Variants in DNAI2 observed in about 807,000 individuals in gnomAD.
The protein encoded by DNAI2 is dynein axonemal intermediate chain 2, also known as dynein, axonemal, intermediate polypeptide 2.
A neutral mutation model predicts 74.7 loss-of-function variants in DNAI2; 63 were observed. The observed-to-expected ratio is 0.84, with a 90% confidence interval of 0.69 to 1.04. The LOEUF is 1.04. Among genes scored for constraint, DNAI2 ranks in the 50% least tolerant of loss-of-function variants. The probability of loss-of-function intolerance (pLI) is 0.00; values close to 1 mark genes in which losing one functional copy is unlikely to be tolerated. For missense variants in DNAI2, 688 were observed against 803.2 expected (o/e 0.86, Z 1.73); for synonymous variants, 289 against 314.9 (o/e 0.92, Z 0.87).
intron 12 of DNAI2, 125 bp from the exon 13 acceptor site, chr17:74,313,996 G>A: frequency 1.3e-6 from 2 of 1,534,160 alleles, no homozygotes; most frequent in Non-Finnish European, 1.8e-6. Flanking sequence ...CGGGTTCCAG[G>A]GTGCTCAGCG....
chr17:74,287,244 C>A, intron 4 of DNAI2, 146 bp downstream of exon 4: 1 of 1,343,702 alleles, frequency 7.4e-7, no homozygotes, highest in Non-Finnish European at 1.0e-6. Context: ...GGTGATAAGT[C>A]ACCCAGCAGA....
intron 8 of DNAI2, among the ~76,000 whole-genome samples, chr17:74,304,628 G>A (rs1367114664): frequency 1.3e-5 from 2 of 152,174 alleles, no homozygotes; most frequent in Non-Finnish European, 2.9e-5. Flanking sequence ...CAGTTCGTGG[G>A]CGATGGACCC....
At chr17:74,275,666 G>A (rs1388372167) in intron 1 of DNAI2, among the ~76,000 whole-genome samples, 1 of 152,038 alleles carries the variant, frequency 6.6e-6, no homozygotes, top group Non-Finnish European at 1.5e-5. Context: ...GGTGGAGGTT[G>A]CAGTGAGCTG....
intron 1 of DNAI2, among the ~76,000 whole-genome samples, chr17:74,279,865 T>A (rs1349816695): frequency 6.6e-6 from 1 of 152,130 alleles, no homozygotes; most frequent in Non-Finnish European, 1.5e-5. Context: ...TGGTTGTAAA[T>A]CTACCAAGGC....
rs745914412 is a variant in DNAI2 at position 74,281,824 on chromosome 17, A to C, written c.7A>C (p.Ile3Leu). 9 of 1,613,512 alleles carry C rather than the reference A, an allele frequency of 5.6e-6. No individual in the cohort carries two copies. The highest frequency in any genetic ancestry group is 7.6e-6 in the Non-Finnish European group (9 of 1,179,938). ME[I>L]VYVYVKKRSE... ...CCCCCCAGCAGCCGGCACCATGGAG[A>C]TTGTGTACGTGTACGTCAAGAAGCG... Residue 3 changes from isoleucine (I) to leucine (L), a missense_variant, in exon 2 of 14, where the codon ATT becomes CTT. Coordinates refer to ENST00000311014, the MANE Select transcript of DNAI2 (RefSeq NM_023036.6).
In DNAI2 at chr17:74,300,519, G is replaced by A. The variant is rs975503200; in HGVS notation, c.865-527G>A. On this transcript the variant is annotated intron_variant, in intron 7 of 13. Coordinates refer to ENST00000311014, the MANE Select transcript of DNAI2 (RefSeq NM_023036.6). This position sits in a 1 kb window ranked among gnomAD's most constrained non-coding sequence, Gnocchi z 4.5. ...GAGATAGTTTCATATTTCATACACCGCTGCCCCATGCCTATTAATAACTGC... is the reference window on the plus strand; with the variant it reads ...GAGATAGTTTCATATTTCATACACCACTGCCCCATGCCTATTAATAACTGC... 3.9e-5 allele frequency among the ~76,000 whole-genome samples: 6 copies of A among 152,022 alleles called. No homozygotes were observed. The highest frequency in any genetic ancestry group is 2.1e-4 in the South Asian group (1 of 4,824).
intron 1 of DNAI2, among the ~76,000 whole-genome samples, chr17:74,276,180 AC>A (rs1282479751): frequency 6.6e-6 from 1 of 152,082 alleles, no homozygotes; most frequent in Non-Finnish European, 1.5e-5. Flanking sequence ...TCCAGGAATT[AC>A]TTTGCTCATT....
intron 6 of DNAI2, among the ~76,000 whole-genome samples, chr17:74,297,217 C>T (rs2052496991): frequency 6.6e-6 from 1 of 151,926 alleles, no homozygotes. Flanking sequence ...TCCCGAGTAG[C>T]TGGGACTACA....
chr17:74,312,258 G>A (rs774626567), intron 12 of DNAI2, 28 bp downstream of exon 12: 1 of 496,330 alleles, frequency 2.0e-6, no homozygotes. Context: ...GGTTGGGTGG[G>A]TTGGGGACTG....
At chr17:74,292,227 C>A (rs2052153415) in intron 6 of DNAI2, among the ~76,000 whole-genome samples, 1 of 152,104 alleles carries the variant, frequency 6.6e-6, no homozygotes, top group African/African-American at 2.4e-5. Context: ...CCTGGCTTTT[C>A]TTTATTGGAA....
chr17:74,297,391 C>CT (rs61180859), intron 6 of DNAI2, among the ~76,000 whole-genome samples: 2,962 of 127,182 alleles, frequency 0.023, 125 homozygotes, highest in African/African-American at 0.076. Flanking sequence ...CGTGCCCAGA[C>CT]TTTTTTTTTT....
chr17:74,305,271 G>T lies in DNAI2; in HGVS notation c.1040G>T (p.Arg347Leu). 6.2e-7 allele frequency: 1 copy of T among 1,614,200 alleles called. No individual in the cohort carries two copies. The highest frequency in any genetic ancestry group is 8.5e-7 in the Non-Finnish European group (1 of 1,180,040). Residue 347 changes from arginine to leucine, a missense_variant, in exon 9 of 14, where the codon CGC becomes CTC. Arg to Leu is a moderately radical substitution (Grantham distance 102). Transcript: ENST00000311014. ...CAGGGCATCGTCATCTCCTGCAACC[G>T]CAAGGCCAAGACGTCAGCTGAAAAG... ...TEQGIVISCNRKAKTSAEKIV... is the reference protein window; with the variant it reads ...TEQGIVISCNLKAKTSAEKIV...
At chr17:74,294,723 G>C (rs974201863) in intron 6 of DNAI2, among the ~76,000 whole-genome samples, 2 of 152,118 alleles carry the variant, frequency 1.3e-5, no homozygotes, top group Non-Finnish European at 2.9e-5. Flanking sequence ...TCTAGGTATG[G>C]ATATCTTTGA....
chr17:74,275,642 G>T (rs1055979123), intron 1 of DNAI2, among the ~76,000 whole-genome samples: 1 of 152,042 alleles, frequency 6.6e-6, no homozygotes, highest in Non-Finnish European at 1.5e-5. Context: ...CAGAAGAATT[G>T]CTTAAACCTG....
chr17:74,302,017 AGGAAG>A (rs2052857594), intron 8 of DNAI2, among the ~76,000 whole-genome samples: 1 of 45,216 alleles, frequency 2.2e-5, no homozygotes, highest in African/African-American at 9.9e-5. Context: ...GAAGGAAAGA[AGGAAG>A]GAAAGAAGGA....
intron 2 of DNAI2, 46 bp from the exon 3 acceptor site, chr17:74,284,994 G>C (rs369461002): frequency 2.9e-4 from 465 of 1,613,078 alleles, no homozygotes; most frequent in Non-Finnish European, 3.9e-4. Context: ...CGAGGGTTTG[G>C]GAGTATACCA....
chr17:74,293,408 T>G (rs1251996784), intron 6 of DNAI2, among the ~76,000 whole-genome samples: 1 of 152,196 alleles, frequency 6.6e-6, no homozygotes. Flanking sequence ...ATATGATGTC[T>G]TCATTTGTCT....
chr17:74,285,866 C>A (rs2051689334), intron 3 of DNAI2, among the ~76,000 whole-genome samples: 1 of 151,754 alleles, frequency 6.6e-6, no homozygotes, highest in Non-Finnish European at 1.5e-5. Context: ...CTTTGGTGGA[C>A]ATTTGCAATA....
In DNAI2 at chr17:74,305,231, A is replaced by G. The variant is rs779742315; in HGVS notation, c.1000A>G (p.Met334Val). The G allele has an allele frequency of 7.6e-5, 122 of 1,614,006 alleles. No individual in the cohort carries two copies. The highest frequency in any genetic ancestry group is 1.0e-4 in the Non-Finnish European group (120 of 1,180,000). Reference sequence around the variant, plus strand: ...ACTCCTTCCACAGCCCACCAAGTTCATGGTGGGGACCGAGCAGGGCATCGT... The same window carrying G: ...ACTCCTTCCACAGCCCACCAAGTTCGTGGTGGGGACCGAGCAGGGCATCGT... ...EFESTLPTKF[M>V]VGTEQGIVIS... Residue 334 changes from methionine to valine, a missense_variant, in exon 9 of 14, where the codon ATG becomes GTG. Coordinates refer to ENST00000311014, the MANE Select transcript of DNAI2 (RefSeq NM_023036.6).
Sources: gnomAD v4.1 joint callset for allele counts (sites outside exome capture counted in the v4.1 genomes callset) on GRCh38, gnomAD v4.1.1 for gene constraint, Gnocchi (gnomAD v3.1) non-coding constraint, MANE v1.5 for transcripts, NCBI Gene and HGNC (gene_info 2026-07-23, HGNC 2026-07-21) for gene names.